The following PCDHA6 variants were observed in gnomAD, a reference collection of about 807,000 sequenced individuals.
The protein encoded by PCDHA6 is protocadherin alpha-6.
PCDHA6 carries 55 observed loss-of-function variants against 60.3 expected under a neutral mutation model. That is an observed-to-expected ratio of 0.91 (90% CI 0.73 to 1.14). The LOEUF is 1.14. Among genes scored for constraint, PCDHA6 ranks in the 50% most tolerant of loss-of-function variants. The pLI is 0.00. For synonymous variants in PCDHA6, 652 were observed against 557.9 expected, an observed-to-expected ratio of 1.17 and a Z score of -2.38; for missense variants, 1,327 against 1,256.5, an observed-to-expected ratio of 1.06 and a Z score of -0.85.
chr5:140,889,077 T>G (rs1476404733), intron 1 of PCDHA6, among the ~76,000 whole-genome samples: 1 of 152,076 alleles, frequency 6.6e-6, no homozygotes, highest in Non-Finnish European at 1.5e-5. Flanking sequence ...CTTATTTTGT[T>G]AAATTTTCAA....
At chr5:140,884,547 C>T (rs1554181712) in intron 1 of PCDHA6, 5 of 1,614,214 alleles carry the variant, frequency 3.1e-6, no homozygotes, top group Admixed American at 1.7e-5. Context: ...AGGGTGTGCT[C>T]TGGGGAGGGC....
chr5:140,848,857 T>C (rs2150422920), intron 1 of PCDHA6: 1 of 1,590,410 alleles, frequency 6.3e-7, no homozygotes, highest in Non-Finnish European at 8.6e-7. Context: ...CATGTGGACG[T>C]GGAGGTGAAG....
At chr5:140,945,034 C>T (rs1218648203) in intron 1 of PCDHA6, among the ~76,000 whole-genome samples, 1 of 152,066 alleles carries the variant, frequency 6.6e-6, no homozygotes, top group East Asian at 1.9e-4. Flanking sequence ...ACATAATTAT[C>T]TTTGGTCTTA....
At chr5:140,964,941 G>A (rs1223587543) in intron 1 of PCDHA6, among the ~76,000 whole-genome samples, 1 of 152,242 alleles carries the variant, frequency 6.6e-6, no homozygotes, top group African/African-American at 2.4e-5. Context: ...AGCATTGATA[G>A]TGAGTGTGCT....
Position 140,843,486 on chromosome 5 carries a change from G to A in PCDHA6, c.2394+13001G>A. The A allele has an allele frequency of 2.5e-6, 4 of 1,595,976 alleles. 1 individual carries two copies. The highest frequency in any genetic ancestry group is 1.7e-5 in the Admixed American group (1 of 59,314). ...ACGCTGCTGCTGTACACTGCGCTGC[G>A]GTGCTCAGCACTGCCCACTGAGGGC... On this transcript the variant is annotated intron_variant, in intron 1 of 3. Transcript: ENST00000529310.
Position 140,829,783 on chromosome 5 carries a change from G to C in PCDHA6, c.1692G>C (p.Ala564=). The change falls in exon 1 of 4, where the codon GCG becomes GCC. Residue 564 remains alanine (A), a synonymous_variant. Transcript: ENST00000529310. The part of the protein sequence containing the change: ...FVLDENDNAP[A]LLAPRVGGTG... ...TGGACGAGAACGACAACGCGCCGGCGCTGCTGGCGCCTCGGGTGGGTGGTA... is the reference window on the plus strand; with the variant it reads ...TGGACGAGAACGACAACGCGCCGGCCCTGCTGGCGCCTCGGGTGGGTGGTA... 1.9e-6 allele frequency: 3 copies of C among 1,613,808 alleles called. No individual in the cohort carries two copies. Among genetic ancestry groups the C allele is most frequent in the African/African-American group, 1.3e-5 (1 of 75,062 alleles).
chr5:140,892,332 T>C (rs552266223), intron 1 of PCDHA6, among the ~76,000 whole-genome samples: 41 of 152,392 alleles, frequency 2.7e-4, no homozygotes, highest in African/African-American at 9.9e-4. Flanking sequence ...TTCTCCAGAA[T>C]GGATTTTAAT....
intron 3 of PCDHA6, among the ~76,000 whole-genome samples, chr5:141,005,035 GT>G (rs1272983494): frequency 6.6e-6 from 1 of 152,194 alleles, no homozygotes; most frequent in African/African-American, 2.4e-5. Context: ...TTGCCCATAT[GT>G]GATACCATTT....
intron 1 of PCDHA6, chr5:140,858,722 C>T: frequency 2.0e-6 from 1 of 497,160 alleles, no homozygotes. Context: ...GGTTGCAGTT[C>T]TGACGATTTA....
intron 1 of PCDHA6, among the ~76,000 whole-genome samples, chr5:140,839,899 GAAGT>G (rs1776458768): frequency 6.6e-6 from 1 of 152,000 alleles, no homozygotes; most frequent in African/African-American, 2.4e-5. Flanking sequence ...AGAAAAAGAT[GAAGT>G]AATAGAAGAA....
At chr5:140,862,736 T>C in intron 1 of PCDHA6, 1 of 575,338 alleles carries the variant, frequency 1.7e-6, no homozygotes, top group South Asian at 1.4e-5. Flanking sequence ...TCTAGCTATG[T>C]GTGGGTGCAC....
chr5:140,985,084 T>A (rs2097135513), intron 3 of PCDHA6, among the ~76,000 whole-genome samples: 1 of 151,986 alleles, frequency 6.6e-6, no homozygotes. Context: ...ACTACAGGCG[T>A]GTGCCACCAA....
At chr5:140,895,197 T>C (rs782373000) in intron 1 of PCDHA6, among the ~76,000 whole-genome samples, 2 of 152,182 alleles carry the variant, frequency 1.3e-5, no homozygotes, top group Non-Finnish European at 1.5e-5. Flanking sequence ...AAGTTTTGAA[T>C]TTGCTTTTAT....
chr5:140,928,698 G>A, intron 1 of PCDHA6: 1 of 1,614,148 alleles, frequency 6.2e-7, no homozygotes, highest in East Asian at 2.2e-5. Context: ...ACATCTCCCG[G>A]GCGTCTGACT....
chr5:140,836,694 G>A (rs1249098151), intron 1 of PCDHA6: 9 of 1,613,292 alleles, frequency 5.6e-6, no homozygotes, highest in Non-Finnish European at 7.6e-6. Flanking sequence ...AGACCTCATG[G>A]CCTTCAGTCC....
chr5:140,969,276 G>T, intron 1 of PCDHA6: 1 of 1,614,202 alleles, frequency 6.2e-7, no homozygotes, highest in Non-Finnish European at 8.5e-7. Context: ...GGCCAAAGTG[G>T]TCAGAATGCT....
At chr5:141,005,956 A>G (rs1272905916) in intron 3 of PCDHA6, among the ~76,000 whole-genome samples, 2 of 152,020 alleles carry the variant, frequency 1.3e-5, no homozygotes, top group Admixed American at 1.3e-4. Flanking sequence ...CTAACAAACA[A>G]CAATAAAAAA....
At chr5:140,936,527 T>G (rs533687361) in intron 1 of PCDHA6, among the ~76,000 whole-genome samples, 3 of 152,368 alleles carry the variant, frequency 2.0e-5, no homozygotes, top group African/African-American at 7.2e-5. Context: ...CTGAAATTGC[T>G]TTTGAATATA....
At chr5:140,852,867 T>A (rs2042500160) in intron 1 of PCDHA6, 1 of 952,126 alleles carries the variant, frequency 1.1e-6, no homozygotes, top group African/African-American at 1.8e-5. Context: ...TACTATGTCA[T>A]CAATAATCAT....
Sources: allele counts gnomAD v4.1 joint callset (sites outside exome capture counted in the v4.1 genomes callset), GRCh38; gene constraint gnomAD v4.1.1; transcripts MANE v1.5; gene names NCBI Gene and HGNC (gene_info 2026-07-23, HGNC 2026-07-21).